PCLO: variants seen among roughly 807,000 people sequenced by gnomAD.
PCLO encodes protein piccolo.
In PCLO, 82 loss-of-function variants were observed where a neutral mutation model predicts 427.5. The observed-to-expected ratio is 0.19, with a 90% CI of 0.16 to 0.23. The LOEUF (loss-of-function observed/expected upper bound fraction) is 0.23. PCLO is among the 10% of genes least tolerant of loss of function. The pLI, the probability that PCLO is intolerant of heterozygous loss-of-function variation, is 1.00. For missense variants in PCLO, 6,239 were observed against 6,115.9 expected, an observed-to-expected ratio of 1.02 and a Z score of -0.67; for synonymous variants, 2,357 against 2,155.4, an observed-to-expected ratio of 1.09 and a Z score of -2.59.
At chr7:83,021,248 G>A (rs747121926) in intron 3 of PCLO, among the ~76,000 whole-genome samples, 13 of 152,090 alleles carry the variant, frequency 8.5e-5, no homozygotes, top group Admixed American at 6.6e-5. Context: ...TGGCTGCCCT[G>A]TAATCATTAA....
chr7:83,052,897 C>CTAAT (rs1341853548), intron 3 of PCLO, among the ~76,000 whole-genome samples: 2 of 151,946 alleles, frequency 1.3e-5, no homozygotes, highest in Non-Finnish European at 2.9e-5. Flanking sequence ...ACTATATAAT[C>CTAAT]CTCCAAATTG....
At chr7:83,045,465 A>C (rs947125068) in intron 3 of PCLO, among the ~76,000 whole-genome samples, 1 of 152,136 alleles carries the variant, frequency 6.6e-6, no homozygotes, top group Non-Finnish European at 1.5e-5. Flanking sequence ...GCCTTCTGGA[A>C]CACATATTAC....
chr7:83,067,802 G>A (rs1009187399), intron 3 of PCLO, among the ~76,000 whole-genome samples: 16 of 152,160 alleles, frequency 1.1e-4, no homozygotes, highest in African/African-American at 3.9e-4. Flanking sequence ...GGAAGTTGGT[G>A]TATCACACTT....
At chr7:83,062,009 A>C (rs1351715184) in intron 3 of PCLO, among the ~76,000 whole-genome samples, 1 of 152,166 alleles carries the variant, frequency 6.6e-6, no homozygotes, top group Non-Finnish European at 1.5e-5. Context: ...GGTTATCAGA[A>C]TGTATATGAC....
chr7:82,955,965 C>T lies in PCLO; in HGVS notation c.4988G>A (p.Gly1663Glu), dbSNP rs548515602. ...CTCAATTGTTTTAAATCGGCGTAGC[C>T]CTCCTCCTCCAGTAACTACAAGTTC... is the stretch of plus-strand genomic sequence containing the variant. Reference protein sequence around the residue: ...SEELVVTGGGGLRRFKTIELN... With the variant: ...SEELVVTGGGELRRFKTIELN... Residue 1663 changes from glycine (G) to glutamate (E), a missense_variant, in exon 5 of 25, where the codon GGG (glycine) becomes GAG (glutamate). Around this residue, in one of 5 missense-constraint regions of PCLO, gnomAD observed 4,677 missense variants for 4,468.4 expected, o/e 1.05. Coordinates refer to ENST00000333891, the MANE Select transcript of PCLO (RefSeq NM_033026.6). 81 of 1,613,448 alleles carry T rather than the reference C, an allele frequency of 5.0e-5. 3 individuals are homozygous for T. In the South Asian group the frequency reaches 8.1e-4, roughly 16 times the overall value.
At chr7:83,126,609 TAAAG>T (rs1384901098) in intron 3 of PCLO, among the ~76,000 whole-genome samples, 2 of 151,956 alleles carry the variant, frequency 1.3e-5, no homozygotes, top group African/African-American at 4.8e-5. Flanking sequence ...ATGAATCTCA[TAAAG>T]AAATTTAAAA....
intron 3 of PCLO, among the ~76,000 whole-genome samples, chr7:83,058,202 T>C (rs1428859216): frequency 6.6e-6 from 1 of 152,206 alleles, no homozygotes; most frequent in African/African-American, 2.4e-5. Context: ...ACAGAGTAGT[T>C]TGAAATCAGG....
intron 10 of PCLO, among the ~76,000 whole-genome samples, chr7:82,852,843 A>G (rs1443529630): frequency 6.6e-6 from 1 of 152,008 alleles, no homozygotes; most frequent in Non-Finnish European, 1.5e-5. Context: ...GTATTTTTGT[A>G]CCCATTAACC....
rs1318647973 is a variant in PCLO at position 82,757,213 on chromosome 7, A to G, written c.*1362T>C. On this transcript the variant is annotated 3_prime_UTR_variant, in exon 25 of 25. Transcript: ENST00000333891. The stretch of plus-strand genomic sequence containing the variant: ...GAAGACAGGCTTTTATTCCCTGCTG[A>G]GTGTTTTTTCCACAACTTCACGTTA... 6.6e-6 allele frequency: 1 copy of G among 152,066 alleles called. No homozygotes were observed. Among genetic ancestry groups the G allele is most frequent in the African/African-American group, 2.4e-5 (1 of 41,434 alleles). The allele number at this position is 152,066 out of a possible 1,614,324, so 9.4% of individuals were successfully genotyped here. A position where few individuals can be genotyped will look rare whatever the true frequency, so the allele number is the denominator to read the frequency against.
In PCLO at chr7:82,954,287, A is replaced by C; in HGVS notation, c.6666T>G (p.Asp2222Glu). The C allele has an allele frequency of 1.2e-6, 2 of 1,613,676 alleles. No individual in the cohort carries two copies. Among genetic ancestry groups the C allele is most frequent in the Non-Finnish European group, 1.7e-6 (2 of 1,179,674 alleles). ...AAGTTGATGAAGAAATTTCCTCAGA[A>C]TCTTCAAATTTAGTTATCATGTCCA... The part of the protein sequence containing the change: ...EPVDMITKFE[D>E]SEEISSSTYF... Residue 2222 changes from aspartate to glutamate, a missense_variant, in exon 5 of 25, where the codon GAT (aspartate) becomes GAG (glutamate). Around this residue, in one of 5 missense-constraint regions of PCLO, gnomAD observed 4,677 missense variants for 4,468.4 expected, o/e 1.05. Coordinates refer to ENST00000333891, the MANE Select transcript of PCLO (RefSeq NM_033026.6).
At position 83,155,130 on chromosome 7, in the gene PCLO, G is replaced by A; in HGVS notation, c.1511C>T (p.Pro504Leu). The change falls in exon 2 of 25, where the codon CCT becomes CTT. Residue 504 changes from proline (P) to leucine (L), a missense_variant. Transcript: ENST00000333891. ...TTGAGGTGGGGGTTTTGTTGAGCCA[G>A]GCTGTTGAGATGGGGGCTTTGCTGA... ...PGSAKPPSQQPGSTKPPPQQP... is the reference protein window; with the variant it reads ...PGSAKPPSQQLGSTKPPPQQP... The A allele has an allele frequency of 6.6e-7, 1 of 1,512,986 alleles. No homozygotes were observed. Among genetic ancestry groups the A allele is most frequent in the Non-Finnish European group, 9.0e-7 (1 of 1,112,242 alleles). The allele number at this position is 1,512,986 out of a possible 1,614,324, so 93.7% of individuals were successfully genotyped here.
chr7:82,842,456 G>C (rs561307135), intron 13 of PCLO, among the ~76,000 whole-genome samples: 3 of 152,096 alleles, frequency 2.0e-5, no homozygotes, highest in Non-Finnish European at 4.4e-5. Flanking sequence ...AAACATAAGG[G>C]AAAAGCTCTA....
rs543147709 is a variant in PCLO, at chr7:82,754,154, A to T, written c.*4421T>A. Reference sequence around the variant, plus strand: ...AGAGTAAAACTCAAGACGGATTTACAAGCATTTTTTTTTAAATGCAACTCT... The same window carrying T: ...AGAGTAAAACTCAAGACGGATTTACTAGCATTTTTTTTTAAATGCAACTCT... On this transcript the variant is annotated 3_prime_UTR_variant, in exon 25 of 25. Coordinates refer to ENST00000333891, the MANE Select transcript of PCLO (RefSeq NM_033026.6). 6 of 152,240 alleles carry T rather than the reference A, an allele frequency of 3.9e-5. No individual in the cohort carries two copies. In the South Asian group the frequency reaches 1.2e-3, roughly 32 times the overall value. 9.4% of individuals were successfully genotyped at this position (152,240 alleles called of 1,614,324 possible).
At chr7:83,063,290 T>C (rs1247608991) in intron 3 of PCLO, among the ~76,000 whole-genome samples, 1 of 152,096 alleles carries the variant, frequency 6.6e-6, no homozygotes, top group African/African-American at 2.4e-5. Context: ...CCATTACCCA[T>C]GAAGCTAAAT....
In PCLO at chr7:82,954,929, T is replaced by C; in HGVS notation, c.6024A>G (p.Thr2008=). The C allele has an allele frequency of 6.2e-7, 1 of 1,613,632 alleles. No homozygotes were observed. Residue 2008 remains threonine, a synonymous_variant, in exon 5 of 25, where the codon ACA becomes ACG. Transcript: ENST00000333891. ...ACTCATAAAACTCTTTCTGGAGGTC[T>C]GTAATTTTCTGCATAGGATCTTCAT... ...QIYEDPMQKI[T]DLQKEFYELE...
chr7:82,990,839 A>G (rs920381575), intron 3 of PCLO, among the ~76,000 whole-genome samples: 2 of 152,158 alleles, frequency 1.3e-5, no homozygotes, highest in African/African-American at 4.8e-5. Context: ...GAAAAACATC[A>G]TGATAAAATA....
intron 3 of PCLO, among the ~76,000 whole-genome samples, chr7:83,076,624 C>CTTT (rs11332065): frequency 4.6e-5 from 6 of 129,832 alleles, no homozygotes; most frequent in Non-Finnish European, 8.0e-5. Flanking sequence ...TGTTATTTTC[C>CTTT]TTTTTTTTTT....
chr7:83,127,717 T>C (rs1456455010), intron 3 of PCLO, among the ~76,000 whole-genome samples: 1 of 152,086 alleles, frequency 6.6e-6, no homozygotes, highest in African/African-American at 2.4e-5. Context: ...GCCACAGAGA[T>C]AGTATAAACA....
chr7:82,853,214 C>T (rs77300033), intron 10 of PCLO, among the ~76,000 whole-genome samples: 2,557 of 151,648 alleles, frequency 0.017, 89 homozygotes, highest in African/African-American at 0.059. Context: ...ATTTTTTGTA[C>T]TCATGGTTCA....
Sources: allele counts gnomAD v4.1 joint callset (sites outside exome capture counted in the v4.1 genomes callset), GRCh38; gene constraint gnomAD v4.1.1; regional missense constraint gnomAD v4.1.1; transcripts MANE v1.5; gene names NCBI Gene and HGNC (gene_info 2026-07-23, HGNC 2026-07-21).